The following ALK variants were observed in gnomAD, a reference collection of about 807,000 sequenced individuals.
ALK encodes ALK receptor tyrosine kinase.
In ALK, 74 loss-of-function variants were observed where a neutral mutation model predicts 163.1. That is an observed-to-expected ratio of 0.45 (90% CI 0.38 to 0.55). The LOEUF is 0.55. Among genes scored for constraint, ALK ranks in the 20% least tolerant of loss-of-function variants. The pLI is 0.00. For missense variants in ALK, 2,063 were observed against 2,105.3 expected, an observed-to-expected ratio of 0.98 and a Z score of 0.39; for synonymous variants, 960 against 843.2, an observed-to-expected ratio of 1.14 and a Z score of -2.40.
chr2:29,782,641 C>T (rs565037938), intron 1 of ALK, among the ~76,000 whole-genome samples: 1 of 152,258 alleles, frequency 6.6e-6, no homozygotes, highest in Non-Finnish European at 1.5e-5. Context: ...CCAGGGAATA[C>T]CTTTAGGAGG....
At chr2:29,785,179 G>A (rs941265898) in intron 1 of ALK, among the ~76,000 whole-genome samples, 1 of 152,048 alleles carries the variant, frequency 6.6e-6, no homozygotes, top group Non-Finnish European at 1.5e-5. Context: ...TCTAAGCACT[G>A]CTGATATCCT....
intron 5 of ALK, among the ~76,000 whole-genome samples, chr2:29,340,800 C>T (rs1001987145): frequency 4.6e-5 from 7 of 152,238 alleles, no homozygotes; most frequent in African/African-American, 1.7e-4. Flanking sequence ...TGAAACGTTA[C>T]CTTCTCAGCA....
At chr2:29,565,390 C>T (rs982262860) in intron 3 of ALK, among the ~76,000 whole-genome samples, 1 of 152,126 alleles carries the variant, frequency 6.6e-6, no homozygotes, top group African/African-American at 2.4e-5. Flanking sequence ...CAAGACCCTG[C>T]TTAGTGTTTA....
At chr2:29,209,639 A>G in intron 25 of ALK, 147 bp downstream of exon 25, 1 of 639,306 alleles carries the variant, frequency 1.6e-6, no homozygotes. Flanking sequence ...AAGGTTTCCC[A>G]TAGCCTGAAA....
chr2:29,703,040 A>C (rs907620143), intron 2 of ALK, among the ~76,000 whole-genome samples: 8 of 152,240 alleles, frequency 5.3e-5, no homozygotes, highest in African/African-American at 1.9e-4. Flanking sequence ...TTCTGTGGCC[A>C]TCAGGATGTA....
intron 4 of ALK, among the ~76,000 whole-genome samples, chr2:29,507,207 A>C (rs1265739241): frequency 6.6e-6 from 1 of 152,226 alleles, no homozygotes; most frequent in Non-Finnish European, 1.5e-5. Flanking sequence ...AAAAGGAAGA[A>C]AACTCTGACA....
rs554111633 is a variant in ALK at position 29,374,959 on chromosome 2, G to A, written c.1282+8773C>T. Among the ~76,000 whole-genome samples, 3 of 152,270 alleles carry A rather than the reference G, an allele frequency of 2.0e-5. No homozygotes were observed. In the South Asian group the frequency reaches 6.2e-4, roughly 32 times the overall value. ...CAAGCAATAGAGCTCACCATTGCAC[G>A]GCTGATTGAGTGCCCTGAAGTGACT... On this transcript the variant is annotated intron_variant, in intron 5 of 28. Coordinates refer to ENST00000389048, the MANE Select transcript of ALK (RefSeq NM_004304.5).
chr2:29,647,775 C>CTTT (rs34620705), intron 3 of ALK, among the ~76,000 whole-genome samples: 128 of 117,178 alleles, frequency 1.1e-3, no homozygotes, highest in Middle Eastern at 5.1e-3. Flanking sequence ...ATGATTTTTT[C>CTTT]TTTTTTTTTT....
intron 3 of ALK, among the ~76,000 whole-genome samples, chr2:29,574,057 G>GAA (rs1393068474): frequency 2.9e-5 from 1 of 34,020 alleles, no homozygotes. Context: ...CCCCCTATCT[G>GAA]AAAAAAATAA....
chr2:29,358,840 C>A (rs1668317488), intron 5 of ALK, among the ~76,000 whole-genome samples: 1 of 152,164 alleles, frequency 6.6e-6, no homozygotes, highest in African/African-American at 2.4e-5. Flanking sequence ...TGTCATAGAT[C>A]CTTCCTCCTT....
chr2:29,547,378 C>G (rs1673584313), intron 3 of ALK, among the ~76,000 whole-genome samples: 1 of 152,170 alleles, frequency 6.6e-6, no homozygotes, highest in Non-Finnish European at 1.5e-5. Flanking sequence ...GGGCAGATTG[C>G]CTCAGCTCAG....
chr2:29,213,158 C>T (rs1160571117), intron 24 of ALK, among the ~76,000 whole-genome samples: 3 of 152,178 alleles, frequency 2.0e-5, no homozygotes, highest in Non-Finnish European at 4.4e-5. Context: ...TAAGGAAGAG[C>T]TTTGCAAAGA....
In ALK at chr2:29,317,490, C is replaced by T. The variant is rs60030437; in HGVS notation, c.1647+814G>A. Among the ~76,000 whole-genome samples the T allele has an allele frequency of 8.2e-3, 1,245 of 152,316 alleles. 19 individuals carry two copies. The highest frequency in any genetic ancestry group is 0.027 in the African/African-American group (1,124 of 41,556). ...CCTTCTGAATGTTGATACAGTGTGCCAGGCACCCTGTGGGCTAAATACTGC... is the reference window on the plus strand; with the variant it reads ...CCTTCTGAATGTTGATACAGTGTGCTAGGCACCCTGTGGGCTAAATACTGC... On this transcript the variant is annotated intron_variant, in intron 8 of 28. Coordinates refer to ENST00000389048, the MANE Select transcript of ALK (RefSeq NM_004304.5).
chr2:29,668,203 TTTTG>T (rs1677576622), intron 3 of ALK, among the ~76,000 whole-genome samples: 1 of 151,994 alleles, frequency 6.6e-6, no homozygotes. Flanking sequence ...TAAATGTCAA[TTTTG>T]TTTATCTTTA....
At chr2:29,727,689 C>A (rs1035609009) in intron 1 of ALK, among the ~76,000 whole-genome samples, 1 of 152,190 alleles carries the variant, frequency 6.6e-6, no homozygotes, top group Non-Finnish European at 1.5e-5. Context: ...TTAAATCACT[C>A]TTCACCTGTA....
intron 3 of ALK, among the ~76,000 whole-genome samples, chr2:29,585,562 A>G (rs552020440): frequency 1.3e-5 from 2 of 152,276 alleles, no homozygotes; most frequent in South Asian, 4.1e-4. Flanking sequence ...TCCTGACCTC[A>G]GGTGATCCAC....
intron 8 of ALK, among the ~76,000 whole-genome samples, chr2:29,313,788 C>A (rs754520229): frequency 1.1e-4 from 16 of 152,154 alleles, no homozygotes; most frequent in Non-Finnish European, 1.9e-4. Flanking sequence ...TGGCTCCTGT[C>A]GAGAGTTTGG....
At chr2:29,310,491 T>C (rs938619625) in intron 8 of ALK, among the ~76,000 whole-genome samples, 1 of 152,214 alleles carries the variant, frequency 6.6e-6, no homozygotes, top group African/African-American at 2.4e-5. Flanking sequence ...AAGGCCCTCA[T>C]TAAGAATAAT....
At chr2:29,248,211 C>G (rs1426691127) in intron 12 of ALK, among the ~76,000 whole-genome samples, 1 of 152,102 alleles carries the variant, frequency 6.6e-6, no homozygotes, top group African/African-American at 2.4e-5. Flanking sequence ...TGTGGTGGCT[C>G]ACATCTATAA....
Sources: gnomAD v4.1 joint callset for allele counts (sites outside exome capture counted in the v4.1 genomes callset) on GRCh38, gnomAD v4.1.1 for gene constraint, MANE v1.5 for transcripts, NCBI Gene and HGNC (gene_info 2026-07-23, HGNC 2026-07-21) for gene names.